The following MAGI1 variants were observed in gnomAD, a reference collection of about 807,000 sequenced individuals.
MAGI1 encodes membrane associated guanylate kinase, WW and PDZ domain containing 1.
MAGI1 carries 58 observed loss-of-function variants against 139.9 expected under a neutral mutation model. The observed-to-expected ratio is 0.41, with a 90% confidence interval of 0.34 to 0.52. The LOEUF (loss-of-function observed/expected upper bound fraction) is 0.52. Ranked by LOEUF, MAGI1 falls within the 20% of genes least tolerant of loss-of-function variation. MAGI1 has a pLI of 0.12. For synonymous variants in MAGI1, 812 were observed against 737.9 expected, an observed-to-expected ratio of 1.10 and a Z score of -1.63; for missense variants, 1,874 against 1,901.6, an observed-to-expected ratio of 0.99 and a Z score of 0.27.
At chr3:65,365,708 A>G (rs1941355316) in intron 18 of MAGI1, among the ~76,000 whole-genome samples, 1 of 152,222 alleles carries the variant, frequency 6.6e-6, no homozygotes, top group African/African-American at 2.4e-5. Flanking sequence ...AGGTTCCATT[A>G]TAAGATTCAC....
At chr3:65,418,876 C>T (rs1451914637) in intron 12 of MAGI1, among the ~76,000 whole-genome samples, 1 of 152,202 alleles carries the variant, frequency 6.6e-6, no homozygotes, top group East Asian at 1.9e-4. Flanking sequence ...GGACGTTATG[C>T]CACAGGCAGT....
At chr3:65,574,446 A>T (rs988108989) in intron 2 of MAGI1, among the ~76,000 whole-genome samples, 9 of 115,316 alleles carry the variant, frequency 7.8e-5, no homozygotes, top group Admixed American at 3.5e-4. Context: ...CATAGAAACT[A>T]AAAAAAAAAA....
chr3:65,791,677 G>C (rs2108071021), intron 1 of MAGI1, among the ~76,000 whole-genome samples: 1 of 152,108 alleles, frequency 6.6e-6, no homozygotes, highest in Admixed American at 6.6e-5. Context: ...AATTAATGAG[G>C]AGGTAAACGT....
intron 1 of MAGI1, among the ~76,000 whole-genome samples, chr3:65,757,574 G>T (rs1441266736): frequency 2.0e-5 from 3 of 152,114 alleles, no homozygotes; most frequent in Non-Finnish European, 2.9e-5. Context: ...GGAGGCAGAG[G>T]TTGCAGTGAG....
At chr3:65,766,530 C>G (rs985418523) in intron 1 of MAGI1, among the ~76,000 whole-genome samples, 2 of 152,150 alleles carry the variant, frequency 1.3e-5, no homozygotes, top group Non-Finnish European at 2.9e-5. Flanking sequence ...TCCGAAAGTG[C>G]TGGGATTACA....
intron 1 of MAGI1, among the ~76,000 whole-genome samples, chr3:65,623,724 T>G (rs2083812553): frequency 6.6e-6 from 1 of 152,206 alleles, no homozygotes; most frequent in African/African-American, 2.4e-5. Flanking sequence ...GGCAGGAAAC[T>G]ACTGATCTTT....
At chr3:65,969,911 G>T (rs537939938) in intron 1 of MAGI1, among the ~76,000 whole-genome samples, 1 of 152,160 alleles carries the variant, frequency 6.6e-6, no homozygotes, top group Non-Finnish European at 1.5e-5. Context: ...GAGCATTTAA[G>T]CTCCTTTAGA....
At chr3:65,634,648 C>G (rs1576548669) in intron 1 of MAGI1, among the ~76,000 whole-genome samples, 1 of 152,270 alleles carries the variant, frequency 6.6e-6, no homozygotes. Context: ...CAGTATAACA[C>G]ATAGTAAGTG....
intron 1 of MAGI1, among the ~76,000 whole-genome samples, chr3:65,990,410 G>T (rs557641087): frequency 2.6e-5 from 4 of 152,168 alleles, no homozygotes; most frequent in African/African-American, 9.7e-5. Context: ...GATGAGTACC[G>T]CCTACCAAAG....
At position 65,548,964 on chromosome 3, in the gene MAGI1, C is replaced by T. The variant is rs376940041; in HGVS notation, c.431-55333G>A. ...GGGGAAGGGAACCTGGCTCTCAACC[C>T]ACTGGAGCCAAAGTAAACTGTACTT... On this transcript the variant is annotated intron_variant, in intron 2 of 22. Coordinates refer to ENST00000402939, the MANE Select transcript of MAGI1 (RefSeq NM_001033057.2). Among the ~76,000 whole-genome samples the T allele has an allele frequency of 6.8e-3, 1,041 of 152,318 alleles. 8 individuals carry two copies. The highest frequency in any genetic ancestry group is 0.024 in the African/African-American group (999 of 41,584).
At chr3:65,383,493 G>GA in intron 15 of MAGI1, 39 bp downstream of exon 15, 1 of 1,523,154 alleles carries the variant, frequency 6.6e-7, no homozygotes, top group Non-Finnish European at 9.1e-7. Flanking sequence ...TGAAGCCTTA[G>GA]AAAAATATGC....
intron 1 of MAGI1, among the ~76,000 whole-genome samples, chr3:65,800,622 C>T (rs1036236181): frequency 9.1e-5 from 12 of 131,844 alleles, no homozygotes; most frequent in African/African-American, 2.8e-4. Context: ...ATGGGAAATA[C>T]GTTTTTTAAT....
chr3:65,689,529 C>T (rs554035755), intron 1 of MAGI1, among the ~76,000 whole-genome samples: 13 of 152,178 alleles, frequency 8.5e-5, no homozygotes, highest in Non-Finnish European at 8.8e-5. Flanking sequence ...AAATATCCTT[C>T]GGAATTAACT....
intron 1 of MAGI1, among the ~76,000 whole-genome samples, chr3:65,938,491 A>T (rs2063165058): frequency 6.6e-6 from 1 of 151,962 alleles, no homozygotes; most frequent in African/African-American, 2.4e-5. Context: ...GGACAAGATG[A>T]CCAACCTCTG....
chr3:65,530,770 TATACAC>T (rs1399313034), intron 2 of MAGI1, among the ~76,000 whole-genome samples: 3 of 7,804 alleles, frequency 3.8e-4, no homozygotes, highest in Non-Finnish European at 1.0e-3. Context: ...TATATATATA[TATACAC>T]ACATATATAT....
chr3:65,536,621 T>C (rs1576234464), intron 2 of MAGI1, among the ~76,000 whole-genome samples: 5 of 152,274 alleles, frequency 3.3e-5, no homozygotes, highest in Admixed American at 3.3e-4. Context: ...GCTCCTGAGG[T>C]GCATGTGACC....
At chr3:65,442,161 A>C (rs1948386808) in intron 8 of MAGI1, among the ~76,000 whole-genome samples, 1 of 151,952 alleles carries the variant, frequency 6.6e-6, no homozygotes. Context: ...TGAAAGGAAA[A>C]AGTGGGAGCC....
intron 2 of MAGI1, among the ~76,000 whole-genome samples, chr3:65,614,265 C>T (rs1164268765): frequency 6.6e-6 from 1 of 152,158 alleles, no homozygotes; most frequent in African/African-American, 2.4e-5. Flanking sequence ...AGGGCCTTTC[C>T]AGTGGTTCTC....
chr3:65,427,633 T>C (rs34125208), intron 12 of MAGI1, among the ~76,000 whole-genome samples: 43,765 of 152,060 alleles, frequency 0.29, 8,091 homozygotes, highest in Non-Finnish European at 0.42. Flanking sequence ...ATTAAGCAAC[T>C]ATACAAAAAT....
Sources: allele counts gnomAD v4.1 joint callset (sites outside exome capture counted in the v4.1 genomes callset), GRCh38; gene constraint gnomAD v4.1.1; transcripts MANE v1.5; gene names NCBI Gene and HGNC (gene_info 2026-07-23, HGNC 2026-07-21).